Variants in SLC44A5 observed in about 807,000 individuals in gnomAD.
SLC44A5 encodes choline transporter-like protein 5.
Under a neutral mutation model 101.8 loss-of-function variants are expected in SLC44A5, and 57 were observed. The ratio of observed to expected loss-of-function variants is 0.56; its 90% CI spans 0.45 to 0.70. The LOEUF is 0.70. SLC44A5 is among the 30% of genes least tolerant of loss of function. The probability of loss-of-function intolerance (pLI) is 0.00; values close to 1 mark genes in which losing one functional copy is unlikely to be tolerated. For synonymous variants in SLC44A5, 281 were observed against 290.9 expected (o/e 0.97, Z 0.35); for missense variants, 737 against 853.1 (o/e 0.86, Z 1.70).
chr1:75,260,540 T>G (rs1650404151), intron 6 of SLC44A5, among the ~76,000 whole-genome samples: 1 of 152,088 alleles, frequency 6.6e-6, no homozygotes, highest in South Asian at 2.1e-4. Flanking sequence ...ATTAGAGACC[T>G]ACAAAGAGGC....
At position 75,494,053 on chromosome 1, in the gene SLC44A5, T is replaced by C. The variant is rs993604669; in HGVS notation, c.13+47382A>G. ...ATGTTTGTCCTCTCCAAAACTCACA[T>C]TGAAATTAACAAGTGGAACCTTTGA... On this transcript the variant is annotated intron_variant, in intron 2 of 23. Coordinates refer to ENST00000370859, the MANE Select transcript of SLC44A5 (RefSeq NM_001130058.2). 9.2e-5 allele frequency among the ~76,000 whole-genome samples: 14 copies of C among 152,300 alleles called. 1 individual carries two copies. The highest frequency in any genetic ancestry group is 3.1e-4 in the African/African-American group (13 of 41,568).
chr1:75,322,142 C>T (rs919294212), intron 4 of SLC44A5, among the ~76,000 whole-genome samples: 1 of 152,036 alleles, frequency 6.6e-6, no homozygotes, highest in Non-Finnish European at 1.5e-5. Flanking sequence ...AAAACTCCAT[C>T]TCTACAAAAA....
At chr1:75,230,925 ATATCTATT>A (rs1647501166) in intron 12 of SLC44A5, among the ~76,000 whole-genome samples, 1 of 152,070 alleles carries the variant, frequency 6.6e-6, no homozygotes, top group Non-Finnish European at 1.5e-5. Context: ...TACATGTTCT[ATATCTATT>A]AATTCCCATA....
intron 19 of SLC44A5, among the ~76,000 whole-genome samples, chr1:75,215,023 G>A (rs903786121): frequency 6.6e-6 from 1 of 151,998 alleles, no homozygotes; most frequent in African/African-American, 2.4e-5. Flanking sequence ...AAATATTGTA[G>A]TCTCTACATA....
intron 2 of SLC44A5, among the ~76,000 whole-genome samples, chr1:75,414,318 T>C (rs1326394051): frequency 5.4e-4 from 68 of 126,968 alleles, no homozygotes; most frequent in African/African-American, 2.1e-3. Context: ...TACATACATA[T>C]CCACATACAC....
chr1:75,418,883 A>G (rs1663827241), intron 2 of SLC44A5, among the ~76,000 whole-genome samples: 1 of 152,212 alleles, frequency 6.6e-6, no homozygotes, highest in Non-Finnish European at 1.5e-5. Context: ...AAATAACTAG[A>G]AAACCAGAAA....
At chr1:75,604,642 A>G (rs1168517645) in intron 1 of SLC44A5, among the ~76,000 whole-genome samples, 1 of 151,952 alleles carries the variant, frequency 6.6e-6, no homozygotes, top group Non-Finnish European at 1.5e-5. Context: ...CTTCCAATCC[A>G]TGATCATGGA....
chr1:75,538,163 T>C (rs1317014989), intron 2 of SLC44A5: 1 of 152,294 alleles, frequency 6.6e-6, no homozygotes, highest in Non-Finnish European at 1.5e-5. Flanking sequence ...CATCCAAGAA[T>C]AAACAGATGG....
intron 5 of SLC44A5, among the ~76,000 whole-genome samples, chr1:75,282,931 T>C (rs1037121604): frequency 3.3e-5 from 5 of 152,172 alleles, no homozygotes; most frequent in African/African-American, 1.2e-4. Flanking sequence ...TAATACACCA[T>C]ATTTTTGCAT....
At chr1:75,609,894 T>C (rs1317838037) in intron 1 of SLC44A5, among the ~76,000 whole-genome samples, 1 of 152,028 alleles carries the variant, frequency 6.6e-6, no homozygotes, top group Non-Finnish European at 1.5e-5. Flanking sequence ...ATTTATTATA[T>C]CTTATGGTTT....
chr1:75,677,704 C>T, the SLC44A5 span: 3 of 423,672 alleles, frequency 7.1e-6, no homozygotes, highest in African/African-American at 2.2e-5. Context: ...ATAAAAAAAA[C>T]AAGACCCAGT....
chr1:75,519,893 T>C (rs973590526), intron 2 of SLC44A5, among the ~76,000 whole-genome samples: 7 of 152,256 alleles, frequency 4.6e-5, no homozygotes, highest in Non-Finnish European at 1.0e-4. Context: ...CCAATGGCCA[T>C]TTCCCTTTAG....
intron 2 of SLC44A5, among the ~76,000 whole-genome samples, chr1:75,510,141 C>T (rs1186702285): frequency 6.6e-6 from 1 of 152,080 alleles, no homozygotes. Context: ...TGGGTCCCTC[C>T]CATGAGACAT....
At chr1:75,469,760 C>T (rs574790222) in intron 2 of SLC44A5, among the ~76,000 whole-genome samples, 1 of 151,810 alleles carries the variant, frequency 6.6e-6, no homozygotes, top group Non-Finnish European at 1.5e-5. Context: ...ATTATCTGGG[C>T]ATGGTGGTGT....
the SLC44A5 span, among the ~76,000 whole-genome samples, chr1:75,622,202 C>T: frequency 2.6e-5 from 4 of 152,062 alleles, no homozygotes; most frequent in African/African-American, 9.7e-5. Context: ...CATTGAAGGG[C>T]TTAAATGCAA....
At chr1:75,680,885 AG>A in the SLC44A5 span, among the ~76,000 whole-genome samples, 4 of 151,482 alleles carry the variant, frequency 2.6e-5, no homozygotes, top group Admixed American at 6.6e-5. Context: ...AAAGAAAAAA[AG>A]AGAGAAGAAT....
the SLC44A5 span, among the ~76,000 whole-genome samples, chr1:75,717,634 AT>A: frequency 6.6e-6 from 1 of 152,218 alleles, no homozygotes; most frequent in Non-Finnish European, 1.5e-5. Context: ...AATAAGGTGA[AT>A]TTAAAAATAT....
intron 2 of SLC44A5, among the ~76,000 whole-genome samples, chr1:75,477,596 G>C (rs923713097): frequency 6.6e-6 from 1 of 152,186 alleles, no homozygotes. Flanking sequence ...CGAGAACTAC[G>C]TGAAGAATGC....
intron 2 of SLC44A5, among the ~76,000 whole-genome samples, chr1:75,425,073 TATC>T (rs1368561165): frequency 5.9e-5 from 9 of 152,252 alleles, no homozygotes. Flanking sequence ...GTTAAAATGT[TATC>T]TTCATTTATT....
Sources: gnomAD v4.1 joint callset for allele counts (sites outside exome capture counted in the v4.1 genomes callset) on GRCh38, gnomAD v4.1.1 for gene constraint, MANE v1.5 for transcripts, NCBI Gene and HGNC (gene_info 2026-07-23, HGNC 2026-07-21) for gene names.